FOCAD: variants seen among roughly 807,000 people sequenced by gnomAD.
FOCAD encodes focadhesin, also known as KIAA1797.
Under a neutral mutation model 225.6 loss-of-function variants are expected in FOCAD, and 198 were observed. That is an observed-to-expected ratio of 0.88 (90% CI 0.78 to 0.99). The LOEUF (loss-of-function observed/expected upper bound fraction) is 0.99, where lower values mean the gene tolerates loss of function less well. FOCAD is among the 50% of genes least tolerant of loss of function. The probability of loss-of-function intolerance (pLI) is 0.00; values close to 1 mark genes in which losing one functional copy is unlikely to be tolerated. For synonymous variants in FOCAD, 897 were observed against 755.0 expected, an observed-to-expected ratio of 1.19 and a Z score of -3.08; for missense variants, 2,713 against 2,123.6, an observed-to-expected ratio of 1.28 and a Z score of -5.46.
At chr9:20,762,377 T>A (rs1237361992) in intron 6 of FOCAD, among the ~76,000 whole-genome samples, 5 of 152,220 alleles carry the variant, frequency 3.3e-5, no homozygotes, top group Non-Finnish European at 5.9e-5. Flanking sequence ...ATAGATTGTA[T>A]AAGTATTTGA....
At chr9:20,897,734 A>G (rs1832216878) in intron 21 of FOCAD, among the ~76,000 whole-genome samples, 2 of 151,786 alleles carry the variant, frequency 1.3e-5, no homozygotes, top group African/African-American at 4.8e-5. Flanking sequence ...AATCAAATAC[A>G]TGACTACTAT....
intron 8 of FOCAD, among the ~76,000 whole-genome samples, chr9:20,775,161 A>G (rs1300450572): frequency 1.3e-5 from 2 of 152,078 alleles, no homozygotes; most frequent in Non-Finnish European, 2.9e-5. Context: ...GTACATTGAA[A>G]ATGGATTTAT....
intron 11 of FOCAD, among the ~76,000 whole-genome samples, chr9:20,796,398 C>T (rs1821109408): frequency 6.6e-6 from 1 of 152,188 alleles, no homozygotes; most frequent in Non-Finnish European, 1.5e-5. Flanking sequence ...ACACTGACTT[C>T]CACAATGGTT....
At chr9:20,744,543 G>C (rs1182798050) in intron 5 of FOCAD, among the ~76,000 whole-genome samples, 1 of 152,192 alleles carries the variant, frequency 6.6e-6, no homozygotes, top group Non-Finnish European at 1.5e-5. Flanking sequence ...CATATGCCAA[G>C]TATAAAACTC....
Position 20,685,688 on chromosome 9 carries a change from C to G in FOCAD, c.-33+1395C>G, listed in dbSNP as rs1962590. Among the ~76,000 whole-genome samples, 11 of 152,316 alleles carry G rather than the reference C, an allele frequency of 7.2e-5. No homozygotes were observed. In the East Asian group the frequency reaches 2.1e-3, roughly 29 times the overall value. ...TATAGATTAGTGGAAGCTAAAACCT[C>G]TGCCTTGATTATTTGCTTACTTAAT... On this transcript the variant is annotated intron_variant, in intron 1 of 43. Transcript: ENST00000338382.
Position 20,990,304 on chromosome 9 carries a change from T to A in FOCAD, c.5186T>A (p.Val1729Asp). 6.2e-7 allele frequency: 1 copy of A among 1,613,870 alleles called. No homozygotes were observed. The highest frequency in any genetic ancestry group is 8.5e-7 in the Non-Finnish European group (1 of 1,179,906). ...ATGCACAGGGTCACTCTGCAGGAGG[T>A]TCTCACTCTCCTTCCCAATAGCATG... ...SPMHRVTLQE[V>D]LTLLPNSMAL... Residue 1729 changes from valine (V) to aspartate (D), a missense_variant, in exon 42 of 44, where the codon GTT becomes GAT. Coordinates refer to ENST00000338382, the MANE Select transcript of FOCAD (RefSeq NM_001375567.1).
chr9:20,731,345 A>T (rs1001274871), intron 4 of FOCAD, among the ~76,000 whole-genome samples: 1 of 152,242 alleles, frequency 6.6e-6, no homozygotes, highest in Non-Finnish European at 1.5e-5. Context: ...CATGAATTTC[A>T]TCTTCCCAGT....
At chr9:20,679,123 G>A (rs1159140413) in intron 2 of FOCAD, among the ~76,000 whole-genome samples, 25 of 42,560 alleles carry the variant, frequency 5.9e-4, no homozygotes, top group African/African-American at 3.2e-3. Context: ...GTCTGTGTAT[G>A]TGTGTGTGTG....
chr9:20,765,360 G>T (rs551584927), intron 7 of FOCAD, among the ~76,000 whole-genome samples: 1 of 152,012 alleles, frequency 6.6e-6, no homozygotes, highest in Non-Finnish European at 1.5e-5. Flanking sequence ...CAGTTATCAG[G>T]TAAAAGATTT....
intron 11 of FOCAD, among the ~76,000 whole-genome samples, chr9:20,794,002 G>A (rs7040598): frequency 1.3e-5 from 2 of 152,116 alleles, no homozygotes; most frequent in South Asian, 4.1e-4. Context: ...TCATTCTTCA[G>A]CCCTTCCACA....
At chr9:20,813,772 G>T (rs1823344362) in intron 11 of FOCAD, among the ~76,000 whole-genome samples, 1 of 152,064 alleles carries the variant, frequency 6.6e-6, no homozygotes, top group African/African-American at 2.4e-5. Flanking sequence ...GAAGTGCTCT[G>T]TTTTCTTATT....
intron 1 of FOCAD, chr9:20,694,538 A>C (rs1443325954): frequency 6.6e-6 from 1 of 152,208 alleles, no homozygotes; most frequent in African/African-American, 2.4e-5. Context: ...GGAAATTTCC[A>C]TCCACACAGA....
chr9:20,727,975 C>G (rs1257915249), intron 4 of FOCAD, among the ~76,000 whole-genome samples: 2 of 151,970 alleles, frequency 1.3e-5, no homozygotes, highest in African/African-American at 4.8e-5. Context: ...AAAAAGAGAC[C>G]CAGCATACGT....
At chr9:20,841,362 G>A (rs1327015762) in intron 15 of FOCAD, among the ~76,000 whole-genome samples, 2 of 150,770 alleles carry the variant, frequency 1.3e-5, no homozygotes, top group East Asian at 1.9e-4. Context: ...CAGAGTTTAG[G>A]CCATTTACAT....
chr9:20,933,064 C>A lies in FOCAD; in HGVS notation c.3368C>A (p.Ala1123Asp), dbSNP rs985270682. 1.2e-6 allele frequency: 2 copies of A among 1,613,906 alleles called. No individual in the cohort carries two copies. Among genetic ancestry groups the A allele is most frequent in the East Asian group, 2.2e-5 (1 of 44,858 alleles). Residue 1123 changes from alanine (A) to aspartate (D), a missense_variant, in exon 28 of 44, where the codon GCC becomes GAC. Transcript: ENST00000338382. ...MNLLLMKSLDALENCCFDTSL... is the reference protein window; with the variant it reads ...MNLLLMKSLDDLENCCFDTSL... ...CTTCTTCTGATGAAGTCGTTGGATG[C>A]CCTGGAAAATTGCTGCTTTGACACT...
chr9:20,798,308 C>G (rs1821367984), intron 11 of FOCAD, among the ~76,000 whole-genome samples: 1 of 152,018 alleles, frequency 6.6e-6, no homozygotes, highest in Admixed American at 6.6e-5. Flanking sequence ...CTAAAATTCT[C>G]TTTTTTGGTT....
chr9:20,693,322 C>T (rs1361710720), intron 1 of FOCAD, among the ~76,000 whole-genome samples: 1 of 152,202 alleles, frequency 6.6e-6, no homozygotes, highest in Admixed American at 6.5e-5. Context: ...CTTCAGGCTA[C>T]TCGAGTACTT....
chr9:20,989,980 T>C (rs1339688963), intron 41 of FOCAD, 143 bp from the exon 42 acceptor site: 5 of 846,126 alleles, frequency 5.9e-6, no homozygotes, highest in African/African-American at 1.7e-5. Flanking sequence ...TCAGTTCCTC[T>C]TCTGGGTGGG....
At chr9:20,693,291 C>G (rs550226995) in intron 1 of FOCAD, among the ~76,000 whole-genome samples, 1 of 152,198 alleles carries the variant, frequency 6.6e-6, no homozygotes, top group African/African-American at 2.4e-5. Context: ...TCTGAGATGA[C>G]GAAACTGCTC....
Sources: gnomAD v4.1 joint callset for allele counts (sites outside exome capture counted in the v4.1 genomes callset) on GRCh38, gnomAD v4.1.1 for gene constraint, MANE v1.5 for transcripts, NCBI Gene and HGNC (gene_info 2026-07-23, HGNC 2026-07-21) for gene names.